The following FDX1 variants were observed in gnomAD, a reference collection of about 807,000 sequenced individuals.
FDX1 encodes adrenodoxin, mitochondrial.
In FDX1, 9 loss-of-function variants were observed where a neutral mutation model predicts 14.9. The observed-to-expected ratio is 0.60, with a 90% CI of 0.36 to 1.05. The LOEUF is 1.05. FDX1 is among the 50% of genes least tolerant of loss of function. The pLI is 0.01. For missense variants in FDX1, 204 were observed against 237.2 expected (o/e 0.86, Z 0.92); for synonymous variants, 92 against 99.4 (o/e 0.93, Z 0.44).
At chr11:110,455,816 G>A (rs920722) in intron 2 of FDX1, among the ~76,000 whole-genome samples, 27,278 of 152,156 alleles carry the variant, frequency 0.18, 2,603 homozygotes, top group East Asian at 0.26. Flanking sequence ...ATGGGATAGC[G>A]TTGGACCAGT....
rs1317562403 is a variant in FDX1 at position 110,430,298 on chromosome 11, C to G, written c.178C>G (p.Arg60Gly). 1.7e-6 allele frequency: 2 copies of G among 1,196,948 alleles called. No individual in the cohort carries two copies. The highest frequency in any genetic ancestry group is 3.2e-5 in the African/African-American group (2 of 62,996). The allele number at this position is 1,196,948 out of a possible 1,614,324, so 74.1% of individuals were successfully genotyped here. A position where few individuals can be genotyped will look rare whatever the true frequency, so the allele number is the denominator to read the frequency against. ...GTCGCTGAGCGTGTCGGCGCGGGCCCGGAGCAGGTAGGGCGCCGTGCGGGC... is the reference window on the plus strand; with the variant it reads ...GTCGCTGAGCGTGTCGGCGCGGGCCGGGAGCAGGTAGGGCGCCGTGCGGGC... ...SRSLSVSARA[R>G]SSSEDKITVH... Residue 60 changes from arginine (R) to glycine (G), a missense_variant, in exon 1 of 4, where the codon CGG becomes GGG. Coordinates refer to ENST00000260270, the MANE Select transcript of FDX1 (RefSeq NM_004109.5).
At position 110,463,210 on chromosome 11, in the gene FDX1, A is replaced by T. The variant is rs1480119311; in HGVS notation, c.*742A>T. ...GGTTTAACTTTGTACTCTTTGAAAA[A>T]TAATGCTGATTTATAAATCTCTGCC... On this transcript the variant is annotated 3_prime_UTR_variant, in exon 4 of 4. Transcript: ENST00000260270. The T allele has an allele frequency of 6.6e-6, 1 of 152,228 alleles. No homozygotes were observed. Among genetic ancestry groups the T allele is most frequent in the African/African-American group, 2.4e-5 (1 of 41,462 alleles). 9.4% of individuals were successfully genotyped at this position (152,228 alleles called of 1,614,324 possible). A position where few individuals can be genotyped will look rare whatever the true frequency, so the allele number is the denominator to read the frequency against.
chr11:110,431,699 A>G (rs1306624377), intron 1 of FDX1, among the ~76,000 whole-genome samples: 1 of 152,236 alleles, frequency 6.6e-6, no homozygotes, highest in Non-Finnish European at 1.5e-5. Context: ...GTATAAGGGA[A>G]CATGAATGTT....
chr11:110,432,527 G>A (rs1946338456), intron 1 of FDX1, among the ~76,000 whole-genome samples: 1 of 152,172 alleles, frequency 6.6e-6, no homozygotes, highest in Non-Finnish European at 1.5e-5. Context: ...TGAGTGCAGT[G>A]GTGCCATCAT....
intron 3 of FDX1, among the ~76,000 whole-genome samples, chr11:110,457,938 G>C (rs1379454644): frequency 2.6e-5 from 4 of 151,834 alleles, no homozygotes; most frequent in African/African-American, 7.3e-5. Context: ...GATAACCCTG[G>C]GAAGAGAAAC....
chr11:110,449,570 C>T (rs753335915), intron 2 of FDX1, among the ~76,000 whole-genome samples: 2 of 152,150 alleles, frequency 1.3e-5, no homozygotes, highest in African/African-American at 4.8e-5. Flanking sequence ...TTTTGAAATA[C>T]ACAATACATT....
intron 2 of FDX1, among the ~76,000 whole-genome samples, chr11:110,450,817 C>T (rs1052864406): frequency 6.6e-6 from 1 of 152,010 alleles, no homozygotes; most frequent in Non-Finnish European, 1.5e-5. Context: ...TATATATATA[C>T]ATGTACATAC....
At chr11:110,453,351 CA>C (rs1258733541) in intron 2 of FDX1, among the ~76,000 whole-genome samples, 4 of 151,876 alleles carry the variant, frequency 2.6e-5, no homozygotes, top group African/African-American at 9.7e-5. Flanking sequence ...AACAAACAAA[CA>C]CAACAAAACA....
chr11:110,447,828 C>T (rs561788973), intron 2 of FDX1, among the ~76,000 whole-genome samples: 3 of 152,308 alleles, frequency 2.0e-5, no homozygotes, highest in East Asian at 3.9e-4. Flanking sequence ...TTCTCTTTCT[C>T]AGCATCTTGT....
chr11:110,463,794 C>T lies in FDX1; in HGVS notation c.*1326C>T, dbSNP rs188941050. 7 of 152,024 alleles carry T rather than the reference C, an allele frequency of 4.6e-5. No homozygotes were observed. The East Asian group carries it at 1.3e-3, about 29-fold the overall frequency. The allele number at this position is 152,024 out of a possible 1,614,324, so 9.4% of individuals were successfully genotyped here. ...TGTATGTGCAGATAATTTGCTTGAA[C>T]TAAACTGACTAGTTCTGCTAAATAA... is the stretch of plus-strand genomic sequence containing the variant. On this transcript the variant is annotated 3_prime_UTR_variant, in exon 4 of 4. Transcript: ENST00000260270.
At chr11:110,444,352 A>G (rs1946424387) in intron 2 of FDX1, among the ~76,000 whole-genome samples, 1 of 152,044 alleles carries the variant, frequency 6.6e-6, no homozygotes, top group African/African-American at 2.4e-5. Context: ...GCGTTGGCTC[A>G]TGCCTGTAAT....
chr11:110,451,442 TGTG>T (rs150403328), intron 2 of FDX1, among the ~76,000 whole-genome samples: 1,731 of 152,202 alleles, frequency 0.011, 33 homozygotes, highest in African/African-American at 0.039. Flanking sequence ...AAACAACAGA[TGTG>T]GTGAGGTTAC....
At chr11:110,432,873 A>G (rs1296640512) in intron 1 of FDX1, among the ~76,000 whole-genome samples, 1 of 152,160 alleles carries the variant, frequency 6.6e-6, no homozygotes, top group Non-Finnish European at 1.5e-5. Flanking sequence ...AAACCTGTTA[A>G]TACTCTTACT....
intron 2 of FDX1, among the ~76,000 whole-genome samples, chr11:110,441,735 C>A (rs1320900879): frequency 6.6e-6 from 1 of 152,072 alleles, no homozygotes; most frequent in African/African-American, 2.4e-5. Flanking sequence ...AAAAGAAAAC[C>A]CCATTTTCTG....
At chr11:110,438,018 A>G (rs1201366388) in intron 2 of FDX1, among the ~76,000 whole-genome samples, 3 of 152,154 alleles carry the variant, frequency 2.0e-5, no homozygotes, top group African/African-American at 7.2e-5. Flanking sequence ...CATTTTCTTT[A>G]TCCAATCCAC....
chr11:110,449,594 G>A (rs1225940509), intron 2 of FDX1, among the ~76,000 whole-genome samples: 1 of 152,116 alleles, frequency 6.6e-6, no homozygotes, highest in Non-Finnish European at 1.5e-5. Flanking sequence ...ATTAACTGCA[G>A]TCACCATGCT....
chr11:110,430,982 A>C (rs1237421075), intron 1 of FDX1, among the ~76,000 whole-genome samples: 2 of 152,174 alleles, frequency 1.3e-5, no homozygotes, highest in Non-Finnish European at 2.9e-5. Context: ...TCCATTTGCA[A>C]GTTGGATATA....
At chr11:110,433,519 G>T (rs928834378) in intron 1 of FDX1, among the ~76,000 whole-genome samples, 2 of 152,186 alleles carry the variant, frequency 1.3e-5, no homozygotes, top group Non-Finnish European at 2.9e-5. Flanking sequence ...TTAAGTCACT[G>T]CATTCTCTGT....
chr11:110,453,294 C>T (rs368315961), intron 2 of FDX1, among the ~76,000 whole-genome samples: 9 of 152,244 alleles, frequency 5.9e-5, no homozygotes, highest in African/African-American at 1.9e-4. Context: ...GCCGAGATCG[C>T]ACCATTACAC....
Sources: gnomAD v4.1 joint callset for allele counts (sites outside exome capture counted in the v4.1 genomes callset) on GRCh38, gnomAD v4.1.1 for gene constraint, MANE v1.5 for transcripts, NCBI Gene and HGNC (gene_info 2026-07-23, HGNC 2026-07-21) for gene names.